The following RAB27A variants were observed in gnomAD, a reference collection of about 807,000 sequenced individuals.
The protein encoded by RAB27A is ras-related protein Rab-27A.
RAB27A carries 17 observed loss-of-function variants against 20.8 expected under a neutral mutation model. The observed-to-expected ratio is 0.82, with a 90% CI of 0.56 to 1.23. The LOEUF (loss-of-function observed/expected upper bound fraction) is 1.23. Ranked by LOEUF, RAB27A falls within the 50% of genes most tolerant of loss-of-function variation. The pLI is 0.00. For missense variants in RAB27A, 277 were observed against 266.7 expected (o/e 1.04, Z -0.27); for synonymous variants, 85 against 92.8 (o/e 0.92, Z 0.48).
At chr15:55,306,718 T>C (rs1459679789) in intron 2 of RAB27A, among the ~76,000 whole-genome samples, 1 of 152,166 alleles carries the variant, frequency 6.6e-6, no homozygotes, top group Non-Finnish European at 1.5e-5. Context: ...TTCCCTTAGA[T>C]AAACTCCTAT....
intron 2 of RAB27A, among the ~76,000 whole-genome samples, chr15:55,268,096 C>A (rs1897569066): frequency 6.6e-6 from 1 of 151,980 alleles, no homozygotes; most frequent in African/African-American, 2.4e-5. Flanking sequence ...TTAAATCCAA[C>A]TTCATTCTAT....
intron 2 of RAB27A, among the ~76,000 whole-genome samples, chr15:55,243,325 C>T (rs559893990): frequency 6.6e-6 from 1 of 152,062 alleles, no homozygotes; most frequent in Non-Finnish European, 1.5e-5. Flanking sequence ...ATTGCTCGGC[C>T]CCGTTTTCTC....
intron 2 of RAB27A, among the ~76,000 whole-genome samples, chr15:55,236,084 G>A (rs1367056949): frequency 2.6e-5 from 4 of 151,538 alleles, no homozygotes; most frequent in Non-Finnish European, 4.4e-5. Context: ...GGTGATGGGT[G>A]CACCAAAATC....
intron 6 of RAB27A, among the ~76,000 whole-genome samples, chr15:55,217,226 A>C (rs1290059162): frequency 2.6e-5 from 4 of 152,164 alleles, no homozygotes; most frequent in African/African-American, 9.7e-5. Context: ...TGAGGCAGTA[A>C]GATTTTCATT....
At chr15:55,303,945 A>T (rs1372648822) in intron 2 of RAB27A, among the ~76,000 whole-genome samples, 1 of 148,190 alleles carries the variant, frequency 6.7e-6, no homozygotes, top group Non-Finnish European at 1.5e-5. Context: ...CCCGGCCACC[A>T]CCCTGTCTGG....
intron 2 of RAB27A, among the ~76,000 whole-genome samples, chr15:55,304,544 A>G (rs1167695829): frequency 6.6e-6 from 1 of 152,166 alleles, no homozygotes; most frequent in Non-Finnish European, 1.5e-5. Flanking sequence ...AACCCCTGTC[A>G]GCCACTAATC....
At chr15:55,236,570 A>G (rs1416948429) in intron 2 of RAB27A, among the ~76,000 whole-genome samples, 1 of 152,168 alleles carries the variant, frequency 6.6e-6, no homozygotes, top group Non-Finnish European at 1.5e-5. Flanking sequence ...TTATATCAGC[A>G]ATACCTAACC....
chr15:55,210,673 T>C (rs887885320), intron 6 of RAB27A, among the ~76,000 whole-genome samples: 4 of 152,176 alleles, frequency 2.6e-5, no homozygotes, highest in Non-Finnish European at 4.4e-5. Context: ...TATTAATCCC[T>C]GATCAGATGG....
At chr15:55,298,604 T>C (rs1245430347) in intron 2 of RAB27A, among the ~76,000 whole-genome samples, 1 of 152,130 alleles carries the variant, frequency 6.6e-6, no homozygotes, top group Non-Finnish European at 1.5e-5. Context: ...ACTGATAACA[T>C]CTTATCAGGA....
Position 55,270,280 on chromosome 15 carries a change from T to C in RAB27A, c.-138A>G, listed in dbSNP as rs187092196. The C allele has an allele frequency of 4.6e-5, 7 of 152,352 alleles. No individual in the cohort carries two copies. Among genetic ancestry groups the C allele is most frequent in the Admixed American group, 3.3e-4 (5 of 15,298 alleles). 9.4% of individuals were successfully genotyped at this position (152,352 alleles called of 1,614,324 possible). A position where few individuals can be genotyped will look rare whatever the true frequency, so the allele number is the denominator to read the frequency against. On this transcript the variant is annotated 5_prime_UTR_variant, in exon 2 of 7. Transcript: ENST00000336787. ...CATGTCCTCTTCAGGAAGGTTACTTTTTGTCTAATGTTAAGACAAAGAGAA... is the reference window on the plus strand; with the variant it reads ...CATGTCCTCTTCAGGAAGGTTACTTCTTGTCTAATGTTAAGACAAAGAGAA...
chr15:55,223,328 C>A (rs1490700351), intron 6 of RAB27A, among the ~76,000 whole-genome samples: 2 of 151,568 alleles, frequency 1.3e-5, no homozygotes, highest in Admixed American at 6.6e-5. Flanking sequence ...AATATGGTAC[C>A]AGAAACCCCA....
At chr15:55,307,988 C>A (rs1404018342) in intron 2 of RAB27A, among the ~76,000 whole-genome samples, 1 of 152,078 alleles carries the variant, frequency 6.6e-6, no homozygotes, top group African/African-American at 2.4e-5. Context: ...TTTCCTTCTT[C>A]AGTGGCTAGC....
intron 2 of RAB27A, among the ~76,000 whole-genome samples, chr15:55,247,956 G>A (rs1420680486): frequency 1.4e-5 from 1 of 72,538 alleles, no homozygotes; most frequent in Admixed American, 1.5e-4. Flanking sequence ...TTTTTTTTTT[G>A]AGACTCTCAC....
intron 6 of RAB27A, among the ~76,000 whole-genome samples, chr15:55,215,945 C>CAAAAA (rs1162706734): frequency 0.078 from 4,118 of 52,572 alleles, 196 homozygotes; most frequent in Admixed American, 0.13. Flanking sequence ...GACGCCGTCT[C>CAAAAA]AAAAAAAAAA....
chr15:55,278,496 T>A (rs1372400962), intron 1 of RAB27A, among the ~76,000 whole-genome samples: 1 of 151,418 alleles, frequency 6.6e-6, no homozygotes, highest in Non-Finnish European at 1.5e-5. Flanking sequence ...TTTTTTTTTT[T>A]TTTTGAGAGG....
intron 3 of RAB27A, among the ~76,000 whole-genome samples, chr15:55,232,547 G>C (rs1201088019): frequency 6.6e-6 from 1 of 152,068 alleles, no homozygotes; most frequent in Non-Finnish European, 1.5e-5. Context: ...TTTACATCAG[G>C]AATTATAAAT....
At chr15:55,283,407 G>A (rs1898067872) in intron 1 of RAB27A, among the ~76,000 whole-genome samples, 1 of 152,130 alleles carries the variant, frequency 6.6e-6, no homozygotes, top group African/African-American at 2.4e-5. Context: ...CCACATTCAA[G>A]CAGGAAGTCC....
At chr15:55,210,110 A>G (rs1242139307) in intron 6 of RAB27A, among the ~76,000 whole-genome samples, 5 of 145,110 alleles carry the variant, frequency 3.4e-5, no homozygotes, top group Non-Finnish European at 6.0e-5. Context: ...ATATATACAC[A>G]CATACACATA....
chr15:55,242,657 GA>G (rs1477752425), intron 2 of RAB27A, among the ~76,000 whole-genome samples: 2 of 152,112 alleles, frequency 1.3e-5, no homozygotes, highest in Non-Finnish European at 2.9e-5. Flanking sequence ...ATCACAGAAA[GA>G]AATTTAAGTT....
Sources: allele counts gnomAD v4.1 joint callset (sites outside exome capture counted in the v4.1 genomes callset), GRCh38; gene constraint gnomAD v4.1.1; transcripts MANE v1.5; gene names NCBI Gene and HGNC (gene_info 2026-07-23, HGNC 2026-07-21).